UQCRH: variants seen among roughly 807,000 people sequenced by gnomAD.
The protein encoded by UQCRH is cytochrome b-c1 complex subunit 6, mitochondrial.
A neutral mutation model predicts 16.3 loss-of-function variants in UQCRH; 14 were observed. The ratio of observed to expected loss-of-function variants is 0.86; its 90% CI spans 0.57 to 1.34. The LOEUF (loss-of-function observed/expected upper bound fraction) is 1.34, where lower values mean the gene tolerates loss of function less well. Ranked by LOEUF, UQCRH falls within the 40% of genes most tolerant of loss-of-function variation. The probability of loss-of-function intolerance (pLI) is 0.00; values close to 1 mark genes in which losing one functional copy is unlikely to be tolerated. For synonymous variants in UQCRH, 41 were observed against 41.9 expected, an observed-to-expected ratio of 0.98 and a Z score of 0.08; for missense variants, 89 against 111.9, an observed-to-expected ratio of 0.80 and a Z score of 0.92.
intron 2 of UQCRH, chr1:46,309,356 C>T: frequency 2.0e-6 from 1 of 508,188 alleles, no homozygotes. Flanking sequence ...CAGATGGCAT[C>T]TTGAGGGCCT....
chr1:46,307,933 C>G (rs781101303), intron 1 of UQCRH, among the ~76,000 whole-genome samples: 10 of 152,190 alleles, frequency 6.6e-5, no homozygotes, highest in Non-Finnish European at 1.2e-4. Context: ...TGTAGCAATA[C>G]TGGGACAAAT....
At chr1:46,304,816 C>A (rs1400855490) in intron 1 of UQCRH, among the ~76,000 whole-genome samples, 1 of 152,192 alleles carries the variant, frequency 6.6e-6, no homozygotes, top group Non-Finnish European at 1.5e-5. Context: ...CAAATTGGTG[C>A]AGCCAGGAAT....
chr1:46,314,085 AG>A (rs748139480), intron 3 of UQCRH, among the ~76,000 whole-genome samples: 9 of 152,280 alleles, frequency 5.9e-5, no homozygotes, highest in Non-Finnish European at 1.2e-4. Context: ...TTAAAAGAGA[AG>A]GGGGCCGGGG....
chr1:46,306,853 T>C (rs982465956), intron 1 of UQCRH, among the ~76,000 whole-genome samples: 2 of 152,208 alleles, frequency 1.3e-5, no homozygotes, highest in African/African-American at 4.8e-5. Context: ...CTTTGGTGGC[T>C]TCACTGAATG....
chr1:46,307,408 C>T (rs1661396664), intron 1 of UQCRH, among the ~76,000 whole-genome samples: 2 of 152,140 alleles, frequency 1.3e-5, no homozygotes, highest in African/African-American at 4.8e-5. Flanking sequence ...AAGCAGTCCT[C>T]TCACCTGGCC....
At position 46,303,713 on chromosome 1, in the gene UQCRH, C is replaced by G; in HGVS notation, c.-54C>G. ...CTTACAAGTCCTTCTTGATCCTGAA[C>G]TGGGTTAGGTGCCGCTGTTGCTGCT... On this transcript the variant is annotated 5_prime_UTR_variant, in exon 1 of 4. Coordinates refer to ENST00000311672, the MANE Select transcript of UQCRH (RefSeq NM_006004.4). The G allele has an allele frequency of 1.2e-6, 2 of 1,613,268 alleles. No individual in the cohort carries two copies. The highest frequency in any genetic ancestry group is 1.7e-5 in the Admixed American group (1 of 59,886).
intron 3 of UQCRH, among the ~76,000 whole-genome samples, chr1:46,314,750 G>A (rs772363381): frequency 1.3e-5 from 2 of 151,934 alleles, no homozygotes; most frequent in Non-Finnish European, 2.9e-5. Context: ...TAAACTAAGT[G>A]TCAAGGAAGA....
intron 1 of UQCRH, among the ~76,000 whole-genome samples, chr1:46,304,121 G>A (rs1172019203): frequency 6.6e-6 from 1 of 152,206 alleles, no homozygotes; most frequent in Non-Finnish European, 1.5e-5. Flanking sequence ...TCAGTCAGAT[G>A]TTCTGAAGCC....
chr1:46,303,702 T>C lies in UQCRH; in HGVS notation c.-65T>C, dbSNP rs1377923530. ...GCTGAGTGACCCTTACAAGTCCTTC[T>C]TGATCCTGAACTGGGTTAGGTGCCG... On this transcript the variant is annotated 5_prime_UTR_variant, in exon 1 of 4. Coordinates refer to ENST00000311672, the MANE Select transcript of UQCRH (RefSeq NM_006004.4). The C allele has an allele frequency of 6.2e-7, 1 of 1,612,198 alleles. No individual in the cohort carries two copies. Among genetic ancestry groups the C allele is most frequent in the African/African-American group, 1.3e-5 (1 of 74,918 alleles).
Position 46,307,475 on chromosome 1 carries a change from T to C in UQCRH, c.55-1626T>C, listed in dbSNP as rs542052364. Among the ~76,000 whole-genome samples the C allele has an allele frequency of 9.2e-5, 14 of 152,364 alleles. No individual in the cohort carries two copies. The South Asian group carries it at 2.9e-3, about 32-fold the overall frequency. On this transcript the variant is annotated intron_variant, in intron 1 of 3. Transcript: ENST00000311672. ...AGCTAGTTCTTTTTATTTCCCTAGATACCTTTTCTTTCCTTGCCCCCAAAT... is the reference window on the plus strand; with the variant it reads ...AGCTAGTTCTTTTTATTTCCCTAGACACCTTTTCTTTCCTTGCCCCCAAAT...
At position 46,310,196 on chromosome 1, in the gene UQCRH, GAAATGTGT is replaced by G. The variant is rs778680583; in HGVS notation, c.127_134del (p.Cys43GlyfsTer9). 6.2e-7 allele frequency: 1 copy of G among 1,614,250 alleles called. No individual in the cohort carries two copies. The highest frequency in any genetic ancestry group is 8.5e-7 in the Non-Finnish European group (1 of 1,180,054). ...TGAGAGAGCAATGCGAGCAGTTGGA[GAAATGTGT>G]AAAGGCCCGGGAGCGGCTAGAGCTC... On this transcript the variant is annotated frameshift_variant, in exon 3 of 4. Coordinates refer to ENST00000311672, the MANE Select transcript of UQCRH (RefSeq NM_006004.4). LOFTEE classifies it high-confidence loss of function.
chr1:46,313,497 C>T (rs1420237500), intron 3 of UQCRH, among the ~76,000 whole-genome samples: 5 of 152,062 alleles, frequency 3.3e-5, no homozygotes, highest in South Asian at 2.1e-4. Context: ...GGCGTGGTGG[C>T]GGGCGCCTGT....
chr1:46,307,507 A>G (rs1371782424), intron 1 of UQCRH, among the ~76,000 whole-genome samples: 2 of 152,182 alleles, frequency 1.3e-5, no homozygotes, highest in Non-Finnish European at 2.9e-5. Flanking sequence ...AAATGTGGGT[A>G]TCTGCATGCA....
At chr1:46,312,063 G>C (rs1355448862) in intron 3 of UQCRH, among the ~76,000 whole-genome samples, 1 of 151,190 alleles carries the variant, frequency 6.6e-6, no homozygotes, top group Non-Finnish European at 1.5e-5. Context: ...GAGTAGCCAG[G>C]ACTATAGGCA....
At chr1:46,305,315 A>C (rs1381597830) in intron 1 of UQCRH, among the ~76,000 whole-genome samples, 1 of 151,232 alleles carries the variant, frequency 6.6e-6, no homozygotes, top group Non-Finnish European at 1.5e-5. Flanking sequence ...AAAAAAAAAA[A>C]AAAAAACTAA....
chr1:46,309,213 T>C, intron 2 of UQCRH, 86 bp downstream of exon 2: 2 of 1,456,740 alleles, frequency 1.4e-6, no homozygotes, highest in Non-Finnish European at 1.9e-6. Flanking sequence ...AAGGAGTTTT[T>C]ACTTGATACC....
At chr1:46,313,793 A>C (rs1315452081) in intron 3 of UQCRH, among the ~76,000 whole-genome samples, 1 of 151,634 alleles carries the variant, frequency 6.6e-6, no homozygotes, top group Non-Finnish European at 1.5e-5. Flanking sequence ...GTGAGCCATG[A>C]TCACGCCACT....
chr1:46,312,727 A>G (rs1661503191), intron 3 of UQCRH, among the ~76,000 whole-genome samples: 1 of 151,962 alleles, frequency 6.6e-6, no homozygotes, highest in Non-Finnish European at 1.5e-5. Flanking sequence ...TTAAAAAAAT[A>G]AAAATAAACT....
intron 1 of UQCRH, among the ~76,000 whole-genome samples, chr1:46,305,299 A>C (rs1272584472): frequency 1.9e-5 from 1 of 52,554 alleles, no homozygotes; most frequent in African/African-American, 4.9e-5. Context: ...ACCCTGTCTC[A>C]AAAAAAAAAA....
Sources: allele counts gnomAD v4.1 joint callset (sites outside exome capture counted in the v4.1 genomes callset), GRCh38; gene constraint gnomAD v4.1.1; transcripts MANE v1.5; gene names NCBI Gene and HGNC (gene_info 2026-07-23, HGNC 2026-07-21).